SEC14L1: variants seen among roughly 807,000 people sequenced by gnomAD.
SEC14L1 encodes SEC14-like protein 1.
SEC14L1 carries 48 observed loss-of-function variants against 85.3 expected under a neutral mutation model. That is an observed-to-expected ratio of 0.56 (90% CI 0.45 to 0.72). The LOEUF (loss-of-function observed/expected upper bound fraction) is 0.72, where lower values mean the gene tolerates loss of function less well. Among genes scored for constraint, SEC14L1 ranks in the 30% least tolerant of loss-of-function variants. The pLI is 0.00. For missense variants in SEC14L1, 682 were observed against 921.4 expected, an observed-to-expected ratio of 0.74 and a Z score of 3.36; for synonymous variants, 391 against 355.5, an observed-to-expected ratio of 1.10 and a Z score of -1.12.
chr17:77,100,094 C>T (rs1056981937), intron 3 of SEC14L1, among the ~76,000 whole-genome samples: 1 of 152,258 alleles, frequency 6.6e-6, no homozygotes, highest in Non-Finnish European at 1.5e-5. Flanking sequence ...CCTTCAGCTT[C>T]GCTGGTTTTG....
In SEC14L1 at chr17:77,180,486, A is replaced by G. The variant is rs950469509; in HGVS notation, c.64-10317A>G. Among the ~76,000 whole-genome samples the G allele has an allele frequency of 2.6e-5, 4 of 152,116 alleles. No homozygotes were observed. The East Asian group carries it at 5.8e-4, about 22-fold the overall frequency. ...CCGTTGGGAGTGCAGTGGCGTGATC[A>G]TGGCTCACTGTAGCCTCCATCTCCT... is the stretch of plus-strand genomic sequence containing the variant. On this transcript the variant is annotated intron_variant, in intron 3 of 16. Coordinates refer to ENST00000436233, the MANE Select transcript of SEC14L1 (RefSeq NM_001143998.2).
intron 5 of SEC14L1, among the ~76,000 whole-genome samples, chr17:77,191,687 C>G (rs1022944963): frequency 1.3e-5 from 2 of 152,116 alleles, no homozygotes; most frequent in Non-Finnish European, 2.9e-5. Context: ...GGATTACAGG[C>G]AAGCGCCACC....
intron 3 of SEC14L1, among the ~76,000 whole-genome samples, chr17:77,106,448 C>T (rs1971917345): frequency 6.6e-6 from 1 of 151,444 alleles, no homozygotes; most frequent in African/African-American, 2.4e-5. Flanking sequence ...AGGAGAATCG[C>T]TTGAACCCGG....
At chr17:77,192,104 A>G (rs1312274934) in intron 5 of SEC14L1, among the ~76,000 whole-genome samples, 3 of 152,186 alleles carry the variant, frequency 2.0e-5, no homozygotes, top group African/African-American at 4.8e-5. Context: ...CTTAAATATT[A>G]CATTCATATG....
At chr17:77,154,183 C>T (rs370835581) in intron 3 of SEC14L1, among the ~76,000 whole-genome samples, 37 of 152,198 alleles carry the variant, frequency 2.4e-4, no homozygotes, top group African/African-American at 7.9e-4. Flanking sequence ...TTAAAGTGTA[C>T]GGGAGGGCTG....
chr17:77,214,422 C>A lies in SEC14L1; in HGVS notation c.*399C>A. 1.0e-6 allele frequency: 1 copy of A among 1,002,106 alleles called. No individual in the cohort carries two copies. The highest frequency in any genetic ancestry group is 1.2e-6 in the Non-Finnish European group (1 of 839,384). The allele number at this position is 1,002,106 out of a possible 1,614,324, so 62.1% of individuals were successfully genotyped here. ...ATCCTCCAGAGATGGCCCCTCCTCACCTGGGACGGAAGCTGCCAGCTCGCT... is the reference window on the plus strand; with the variant it reads ...ATCCTCCAGAGATGGCCCCTCCTCAACTGGGACGGAAGCTGCCAGCTCGCT... On this transcript the variant is annotated 3_prime_UTR_variant, in exon 17 of 17. Coordinates refer to ENST00000436233, the MANE Select transcript of SEC14L1 (RefSeq NM_001143998.2).
chr17:77,129,544 T>C (rs959584473), intron 3 of SEC14L1, among the ~76,000 whole-genome samples: 1 of 152,094 alleles, frequency 6.6e-6, no homozygotes, highest in African/African-American at 2.4e-5. Flanking sequence ...TGAAACCCTC[T>C]GAGTTCGAAT....
chr17:77,168,698 A>G (rs148513685), intron 3 of SEC14L1, among the ~76,000 whole-genome samples: 23 of 152,252 alleles, frequency 1.5e-4, no homozygotes, highest in African/African-American at 5.5e-4. Flanking sequence ...CTTGACACAG[A>G]CTTTGCCTTT....
chr17:77,102,620 C>T (rs536200686), intron 3 of SEC14L1, among the ~76,000 whole-genome samples: 51 of 152,122 alleles, frequency 3.4e-4, no homozygotes, highest in African/African-American at 1.1e-3. Context: ...TCTCCTACCT[C>T]AGCCTCATGA....
chr17:77,112,905 C>CCTGTACTT (rs1399917142), intron 3 of SEC14L1, among the ~76,000 whole-genome samples: 1 of 151,802 alleles, frequency 6.6e-6, no homozygotes, highest in Non-Finnish European at 1.5e-5. Context: ...ATGGGTCATG[C>CCTGTACTT]CTGTACTTCT....
intron 3 of SEC14L1, among the ~76,000 whole-genome samples, chr17:77,100,683 C>G (rs981879921): frequency 1.4e-4 from 22 of 151,958 alleles, no homozygotes; most frequent in African/African-American, 4.8e-4. Context: ...GCGATCCACC[C>G]ACCTCGGCCT....
intron 8 of SEC14L1, among the ~76,000 whole-genome samples, chr17:77,198,013 T>G (rs1027979688): frequency 9.2e-5 from 14 of 152,248 alleles, no homozygotes; most frequent in African/African-American, 3.4e-4. Context: ...CATACTGACT[T>G]TTAAAAGCAT....
chr17:77,095,809 T>G (rs1363940021), intron 3 of SEC14L1, among the ~76,000 whole-genome samples: 5 of 110,218 alleles, frequency 4.5e-5, no homozygotes, highest in Non-Finnish European at 9.1e-5. Context: ...AGAGCAAGAC[T>G]TTGTCTCAAA....
intron 3 of SEC14L1, among the ~76,000 whole-genome samples, chr17:77,152,868 CT>C (rs1305071697): frequency 6.6e-6 from 1 of 152,156 alleles, no homozygotes; most frequent in Non-Finnish European, 1.5e-5. Flanking sequence ...CTTGGGTCTC[CT>C]TTATTCTCTA....
chr17:77,110,877 CAAAAAAAAAA>C (rs1212651345), intron 3 of SEC14L1, among the ~76,000 whole-genome samples: 5 of 46,664 alleles, frequency 1.1e-4, no homozygotes, highest in African/African-American at 5.0e-4. Flanking sequence ...GACTCTGTCT[CAAAAAAAAAA>C]AAAAAAAAAA....
chr17:77,213,542 G>A lies in SEC14L1; in HGVS notation c.2042+50G>A. Reference sequence around the variant, plus strand: ...GTGCTGCGGACAGCTGGGCATGGTTGGAGGGAGCCTGCAGTCCCACGCCGT... The same window carrying A: ...GTGCTGCGGACAGCTGGGCATGGTTAGAGGGAGCCTGCAGTCCCACGCCGT... On this transcript the variant is annotated intron_variant, in intron 16 of 16. Transcript: ENST00000436233. The surrounding 1 kb of genome is among the most constrained non-coding windows in gnomAD (Gnocchi z 7.1). The A allele has an allele frequency of 6.3e-7, 1 of 1,593,964 alleles. No homozygotes were observed. Among genetic ancestry groups the A allele is most frequent in the Non-Finnish European group, 8.5e-7 (1 of 1,175,104 alleles).
At chr17:77,147,407 G>A (rs1329473548) in intron 3 of SEC14L1, among the ~76,000 whole-genome samples, 2 of 151,872 alleles carry the variant, frequency 1.3e-5, no homozygotes, top group Non-Finnish European at 2.9e-5. Context: ...TCATTAACTC[G>A]CTTGAGTGGT....
At chr17:77,175,074 C>T (rs949006817) in intron 3 of SEC14L1, among the ~76,000 whole-genome samples, 18 of 152,184 alleles carry the variant, frequency 1.2e-4, no homozygotes, top group African/African-American at 4.1e-4. Flanking sequence ...CTTGTGTGAG[C>T]ATGTCAGGGC....
intron 3 of SEC14L1, among the ~76,000 whole-genome samples, chr17:77,129,204 A>C (rs556791407): frequency 1.3e-5 from 2 of 152,342 alleles, no homozygotes; most frequent in Non-Finnish European, 2.9e-5. Context: ...AACCATTTAC[A>C]AAATGTTTTC....
Sources: gnomAD v4.1 joint callset for allele counts (sites outside exome capture counted in the v4.1 genomes callset) on GRCh38, gnomAD v4.1.1 for gene constraint, Gnocchi (gnomAD v3.1) non-coding constraint, MANE v1.5 for transcripts, NCBI Gene and HGNC (gene_info 2026-07-23, HGNC 2026-07-21) for gene names.